VWA8: variants seen among roughly 807,000 people sequenced by gnomAD.
The protein encoded by VWA8 is von Willebrand factor A domain containing 8, also known as von Willebrand factor A domain-containing protein 8.
Under a neutral mutation model 241.5 loss-of-function variants are expected in VWA8, and 221 were observed. The observed-to-expected ratio is 0.91, with a 90% CI of 0.82 to 1.02. VWA8 has a LOEUF of 1.02. VWA8 is among the 50% of genes least tolerant of loss of function. The pLI, the probability that VWA8 is intolerant of heterozygous loss-of-function variation, is 0.00. For missense variants in VWA8, 2,322 were observed against 2,328.7 expected, an observed-to-expected ratio of 1.00 and a Z score of 0.06; for synonymous variants, 852 against 827.1, an observed-to-expected ratio of 1.03 and a Z score of -0.52.
At chr13:41,701,164 G>A (rs1980985) in intron 28 of VWA8, among the ~76,000 whole-genome samples, 2,206 of 152,224 alleles carry the variant, frequency 0.014, 21 homozygotes, top group Middle Eastern at 0.058. Flanking sequence ...ATTGTAATGA[G>A]AAACAGACAT....
rs756577838 is a variant in VWA8, at chr13:41,614,982, C to G, written c.4714G>C (p.Gly1572Arg). The G allele has an allele frequency of 6.2e-7, 1 of 1,613,122 alleles. No individual in the cohort carries two copies. Among genetic ancestry groups the G allele is most frequent in the Admixed American group, 1.7e-5 (1 of 60,014 alleles). ...PHVGGNTWAG[G>R]TGGRDTAGLG... ...GAATGCCTGTGCTACCAACCTGTTC[C>G]GCCAGCCCAAGTGTTGCCGCCCACG... The change falls in exon 38 of 45, where the codon GGA (glycine) becomes CGA (arginine). Residue 1572 changes from glycine (G) to arginine (R), a missense_variant. Coordinates refer to ENST00000379310, the MANE Select transcript of VWA8 (RefSeq NM_015058.2).
chr13:41,805,206 G>C (rs1308855512), intron 17 of VWA8, among the ~76,000 whole-genome samples: 1 of 151,740 alleles, frequency 6.6e-6, no homozygotes, highest in African/African-American at 2.4e-5. Context: ...AAAATAAAGG[G>C]ACAGAAAAAA....
intron 37 of VWA8, among the ~76,000 whole-genome samples, chr13:41,624,590 T>C (rs1194463967): frequency 3.4e-4 from 51 of 152,158 alleles, no homozygotes. Context: ...ATCATCTCAA[T>C]AGATGCAGGA....
intron 43 of VWA8, among the ~76,000 whole-genome samples, chr13:41,574,805 T>C (rs1339306320): frequency 6.6e-6 from 1 of 152,210 alleles, no homozygotes; most frequent in African/African-American, 2.4e-5. Context: ...TTTACACTGC[T>C]GGTGGGAATG....
chr13:41,568,098 G>A lies in VWA8; in HGVS notation c.*99C>T, dbSNP rs1414653298. 8 of 990,930 alleles carry A rather than the reference G, an allele frequency of 8.1e-6. No homozygotes were observed. The Admixed American group carries it at 1.5e-4, about 19-fold the overall frequency. 61.4% of individuals were successfully genotyped at this position (990,930 alleles called of 1,614,324 possible). ...GGAATGCCGGAATCATCCAGTCACT[G>A]CATGGGTTCACTTCATCCATATCTT... On this transcript the variant is annotated 3_prime_UTR_variant, in exon 45 of 45. Transcript: ENST00000379310.
chr13:41,955,182 G>C (rs1878298975), intron 1 of VWA8, among the ~76,000 whole-genome samples: 1 of 152,146 alleles, frequency 6.6e-6, no homozygotes, highest in Non-Finnish European at 1.5e-5. Flanking sequence ...TGATTTAAGT[G>C]AGGTAGTTTA....
At position 41,758,405 on chromosome 13, in the gene VWA8, TATATATATATATATATATATATATAC is replaced by T. The variant is rs1175136752; in HGVS notation, c.2426+2697_2426+2722del. On this transcript the variant is annotated intron_variant, in intron 21 of 44. Coordinates refer to ENST00000379310, the MANE Select transcript of VWA8 (RefSeq NM_015058.2). Reference sequence around the variant, plus strand: ...ATATATATATATACGCTAGTATATATATATATATATATATATATATATATACGCTAGTATATATATTCCATATATAT... The same window carrying T: ...ATATATATATATACGCTAGTATATATGCTAGTATATATATTCCATATATAT... 1.2e-4 allele frequency among the ~76,000 whole-genome samples: 10 copies of T among 84,080 alleles called. 1 individual carries two copies. The highest frequency in any genetic ancestry group is 4.3e-4 in the African/African-American group (10 of 23,338). The allele number at this position is 84,080 out of a possible 152,430, so 55.2% of individuals were successfully genotyped here.
chr13:41,834,779 T>C (rs959329200), intron 12 of VWA8, among the ~76,000 whole-genome samples: 2 of 152,142 alleles, frequency 1.3e-5, no homozygotes, highest in Non-Finnish European at 2.9e-5. Flanking sequence ...GATACATACA[T>C]GCGTATGTTC....
intron 26 of VWA8, among the ~76,000 whole-genome samples, chr13:41,706,910 C>T (rs1199124224): frequency 6.6e-6 from 1 of 152,172 alleles, no homozygotes; most frequent in Non-Finnish European, 1.5e-5. Flanking sequence ...GGAGAAGGAA[C>T]TTAAGGCCCA....
At chr13:41,754,476 C>T (rs1231863809) in intron 21 of VWA8, among the ~76,000 whole-genome samples, 1 of 151,984 alleles carries the variant, frequency 6.6e-6, no homozygotes, top group Non-Finnish European at 1.5e-5. Flanking sequence ...AATACAGGTA[C>T]ATTAGTAGGT....
At chr13:41,763,346 T>G (rs1012951942) in intron 20 of VWA8, among the ~76,000 whole-genome samples, 1 of 150,526 alleles carries the variant, frequency 6.6e-6, no homozygotes, top group Non-Finnish European at 1.5e-5. Flanking sequence ...GATAGATAGA[T>G]AGATAAAGTG....
intron 18 of VWA8, among the ~76,000 whole-genome samples, chr13:41,784,932 C>T (rs969126810): frequency 3.3e-5 from 5 of 150,684 alleles, no homozygotes; most frequent in African/African-American, 1.2e-4. Flanking sequence ...TATATTGTTC[C>T]TTATTTGCTT....
At chr13:41,658,577 C>G (rs745486046) in intron 37 of VWA8, among the ~76,000 whole-genome samples, 1 of 152,212 alleles carries the variant, frequency 6.6e-6, no homozygotes, top group South Asian at 2.1e-4. Flanking sequence ...AGTGATCTGC[C>G]TTTTTGCCAG....
intron 30 of VWA8, 141 bp from the exon 31 acceptor site, chr13:41,692,079 C>T: frequency 1.8e-6 from 1 of 567,636 alleles, no homozygotes; most frequent in Non-Finnish European, 3.2e-6. Context: ...TATTTATCTG[C>T]TCTAAGACTC....
intron 35 of VWA8, among the ~76,000 whole-genome samples, chr13:41,679,086 C>T (rs1168143125): frequency 6.6e-6 from 1 of 152,164 alleles, no homozygotes; most frequent in African/African-American, 2.4e-5. Flanking sequence ...AACGTTTTAA[C>T]ACTGGAGTGA....
chr13:41,697,637 A>G (rs559238527), intron 29 of VWA8, among the ~76,000 whole-genome samples: 1 of 152,312 alleles, frequency 6.6e-6, no homozygotes, highest in African/African-American at 2.4e-5. Flanking sequence ...CGCAGTTCAC[A>G]ATAGGGTTCA....
intron 4 of VWA8, 150 bp from the exon 5 acceptor site, chr13:41,891,737 T>C: frequency 1.2e-6 from 1 of 820,480 alleles, no homozygotes; most frequent in Non-Finnish European, 1.9e-6. Context: ...TTGCTTTTTC[T>C]GCCTATATGA....
chr13:41,689,143 AT>A (rs1397097400), intron 34 of VWA8, among the ~76,000 whole-genome samples: 2 of 152,130 alleles, frequency 1.3e-5, no homozygotes, highest in Non-Finnish European at 2.9e-5. Flanking sequence ...AAATTCTATC[AT>A]TGCATTACGC....
intron 9 of VWA8, among the ~76,000 whole-genome samples, chr13:41,872,036 C>T (rs866547075): frequency 0.018 from 2,698 of 152,146 alleles, 85 homozygotes; most frequent in African/African-American, 0.06. Flanking sequence ...TGGTTTTGAT[C>T]TGCATTTCTC....
Sources: allele counts gnomAD v4.1 joint callset (sites outside exome capture counted in the v4.1 genomes callset), GRCh38; gene constraint gnomAD v4.1.1; transcripts MANE v1.5; gene names NCBI Gene and HGNC (gene_info 2026-07-23, HGNC 2026-07-21).